The following HS6ST3 variants were observed in gnomAD, a reference collection of about 807,000 sequenced individuals.
HS6ST3 encodes the protein heparan-sulfate 6-O-sulfotransferase 3.
HS6ST3 carries 12 observed loss-of-function variants against 36.7 expected under a neutral mutation model. The observed-to-expected ratio is 0.33, with a 90% CI of 0.21 to 0.53. The LOEUF (loss-of-function observed/expected upper bound fraction) is 0.53, where lower values mean the gene tolerates loss of function less well. Ranked by LOEUF, HS6ST3 falls within the 20% of genes least tolerant of loss-of-function variation. The probability of loss-of-function intolerance (pLI) is 0.95; values close to 1 mark genes in which losing one functional copy is unlikely to be tolerated. For synonymous variants in HS6ST3, 240 were observed against 257.5 expected, an observed-to-expected ratio of 0.93 and a Z score of 0.65; for missense variants, 584 against 640.9, an observed-to-expected ratio of 0.91 and a Z score of 0.96.
intron 1 of HS6ST3, among the ~76,000 whole-genome samples, chr13:96,190,507 T>TATTCATTC (rs374761040): frequency 6.6e-6 from 1 of 152,170 alleles, no homozygotes; most frequent in Non-Finnish European, 1.5e-5. Flanking sequence ...TGCAATCAGT[T>TATTCATTC]ATTCATTCAT....
At chr13:96,593,174 CTTTTTTTTTTTTTTTTTTTTT>C (rs35380296) in intron 1 of HS6ST3, among the ~76,000 whole-genome samples, 1 of 46,602 alleles carries the variant, frequency 2.1e-5, no homozygotes, top group Non-Finnish European at 3.5e-5. Flanking sequence ...TTCTTTCTTT[CTTTTTTTTTTTTTTTTTTTTT>C]TTTTTTGAGA....
At chr13:96,536,620 A>T (rs1224072082) in intron 1 of HS6ST3, among the ~76,000 whole-genome samples, 1 of 152,184 alleles carries the variant, frequency 6.6e-6, no homozygotes, top group East Asian at 1.9e-4. Context: ...AGGCAAAGTC[A>T]TGCTTGTGAT....
chr13:96,612,366 A>G (rs980225844), intron 1 of HS6ST3, among the ~76,000 whole-genome samples: 4 of 151,604 alleles, frequency 2.6e-5, no homozygotes, highest in African/African-American at 9.7e-5. Context: ...TGTAGCTTCT[A>G]TGTCTTCACC....
chr13:96,437,853 T>TG (rs1427402824), intron 1 of HS6ST3, among the ~76,000 whole-genome samples: 1 of 152,204 alleles, frequency 6.6e-6, no homozygotes, highest in Non-Finnish European at 1.5e-5. Flanking sequence ...GTAACCCAAC[T>TG]GGGGATACTC....
chr13:96,200,452 A>G (rs2054335914), intron 1 of HS6ST3, among the ~76,000 whole-genome samples: 1 of 152,044 alleles, frequency 6.6e-6, no homozygotes, highest in African/African-American at 2.4e-5. Flanking sequence ...TACATGGTTA[A>G]TTCCCTTAAG....
chr13:96,760,107 T>C (rs1162568186), intron 1 of HS6ST3, among the ~76,000 whole-genome samples: 1 of 152,186 alleles, frequency 6.6e-6, no homozygotes, highest in East Asian at 1.9e-4. Flanking sequence ...AGCCTTCAGA[T>C]TATTTAGTCT....
At chr13:96,188,404 C>A (rs1441871903) in intron 1 of HS6ST3, among the ~76,000 whole-genome samples, 1 of 151,650 alleles carries the variant, frequency 6.6e-6, no homozygotes, top group Non-Finnish European at 1.5e-5. Context: ...CTCTTGAGGC[C>A]AGGAGTTCAA....
At position 96,832,737 on chromosome 13, in the gene HS6ST3, C is replaced by T. The variant is rs1186589795; in HGVS notation, c.955C>T (p.Leu319=). Residue 319 remains leucine, a synonymous_variant, in exon 2 of 2, where the codon CTG becomes TTG. Coordinates refer to ENST00000376705, the MANE Select transcript of HS6ST3 (RefSeq NM_153456.4). ...RQVRMLADLS[L]VGCYNLTFMN... is the part of the protein sequence containing the mutation. ...GGTGCGCATGCTGGCTGACCTCAGCCTGGTGGGCTGCTATAACTTGACTTT... is the reference window on the plus strand; with the variant it reads ...GGTGCGCATGCTGGCTGACCTCAGCTTGGTGGGCTGCTATAACTTGACTTT... The T allele has an allele frequency of 6.2e-7, 1 of 1,614,142 alleles. No homozygotes were observed.
At chr13:96,697,065 T>C (rs1312387291) in intron 1 of HS6ST3, among the ~76,000 whole-genome samples, 1 of 152,054 alleles carries the variant, frequency 6.6e-6, no homozygotes, top group Non-Finnish European at 1.5e-5. Flanking sequence ...AACTATTATA[T>C]TCAGGGAGAT....
intron 1 of HS6ST3, among the ~76,000 whole-genome samples, chr13:96,334,222 C>A (rs575705821): frequency 2.6e-5 from 4 of 152,142 alleles, no homozygotes; most frequent in Non-Finnish European, 4.4e-5. Flanking sequence ...GAATTGTAAT[C>A]CCCAGTGTTG....
Position 96,742,736 on chromosome 13 carries a change from T to C in HS6ST3, c.708-89754T>C, listed in dbSNP as rs1262610649. Among the ~76,000 whole-genome samples the C allele has an allele frequency of 2.6e-5, 4 of 152,170 alleles. No homozygotes were observed. The East Asian group carries it at 7.7e-4, about 29-fold the overall frequency. ...AGTTTATTTCTATAAAATAGAGTCT[T>C]ATTTTTATGATTAGGGATATTAATT... On this transcript the variant is annotated intron_variant, in intron 1 of 1. Transcript: ENST00000376705.
intron 1 of HS6ST3, among the ~76,000 whole-genome samples, chr13:96,238,376 T>C (rs1335268883): frequency 2.0e-5 from 3 of 152,206 alleles, no homozygotes; most frequent in Non-Finnish European, 2.9e-5. Flanking sequence ...TCAGCCAAAG[T>C]GCTTTCTTTT....
intron 1 of HS6ST3, among the ~76,000 whole-genome samples, chr13:96,654,431 A>T (rs1322747955): frequency 6.6e-6 from 1 of 151,568 alleles, no homozygotes; most frequent in Non-Finnish European, 1.5e-5. Flanking sequence ...GCATATGGCT[A>T]TCCAGTTTTC....
chr13:96,152,572 T>C (rs539649128), intron 1 of HS6ST3, among the ~76,000 whole-genome samples: 56 of 151,930 alleles, frequency 3.7e-4, no homozygotes, highest in Non-Finnish European at 6.3e-4. Context: ...CTCCTGACCT[T>C]GCGATCCGCC....
chr13:96,190,177 CCATT>C (rs1594709941), intron 1 of HS6ST3, among the ~76,000 whole-genome samples: 1 of 152,176 alleles, frequency 6.6e-6, no homozygotes, highest in Non-Finnish European at 1.5e-5. Context: ...ACATATCCAT[CCATT>C]CATTTGTTAA....
chr13:96,358,943 T>C (rs1215212300), intron 1 of HS6ST3, among the ~76,000 whole-genome samples: 1 of 151,942 alleles, frequency 6.6e-6, no homozygotes, highest in East Asian at 1.9e-4. Context: ...AGAGAGCAAA[T>C]GTGGCAAAAT....
At chr13:96,509,128 C>T (rs977562909) in intron 1 of HS6ST3, among the ~76,000 whole-genome samples, 4 of 151,884 alleles carry the variant, frequency 2.6e-5, no homozygotes, top group African/African-American at 4.8e-5. Context: ...TTTTTCATAT[C>T]GTTATTGGCC....
chr13:96,743,361 C>T (rs886440071), intron 1 of HS6ST3, among the ~76,000 whole-genome samples: 4 of 152,060 alleles, frequency 2.6e-5, no homozygotes, highest in East Asian at 1.9e-4. Flanking sequence ...AACAGTCACT[C>T]GGGCAATCCC....
intron 1 of HS6ST3, among the ~76,000 whole-genome samples, chr13:96,775,754 C>T (rs549448570): frequency 1.3e-5 from 2 of 152,064 alleles, no homozygotes; most frequent in South Asian, 4.2e-4. Context: ...AACTTAACAC[C>T]CCACTGTCAA....
Sources: allele counts gnomAD v4.1 joint callset (sites outside exome capture counted in the v4.1 genomes callset), GRCh38; gene constraint gnomAD v4.1.1; transcripts MANE v1.5; gene names NCBI Gene and HGNC (gene_info 2026-07-23, HGNC 2026-07-21).